The following PRP4K variants were observed in gnomAD, a reference collection of about 807,000 sequenced individuals.
The protein encoded by PRP4K is pre-mRNA processing factor kinase PRP4K, also known as serine/threonine-protein kinase PRP4 homolog.
chr6:4,043,801 T>C, the PRP4K span: 5 of 1,606,272 alleles, frequency 3.1e-6, no homozygotes, highest in African/African-American at 5.4e-5. Context: ...ATCTTCTGTA[T>C]TGTTATTACA....
chr6:4,045,914 T>C, the PRP4K span, among the ~76,000 whole-genome samples: 1 of 152,376 alleles, frequency 6.6e-6, no homozygotes, highest in East Asian at 1.9e-4. Context: ...CATTCTTTCA[T>C]GTATGCATGT....
chr6:4,060,853 A>G, the PRP4K span: 4 of 512,030 alleles, frequency 7.8e-6, no homozygotes, highest in South Asian at 4.8e-5. This position sits in a 1 kb window ranked among gnomAD's most constrained non-coding sequence, Gnocchi z 4.7. Context: ...ACAAAATTAC[A>G]GTGCTAATGT....
the PRP4K span, among the ~76,000 whole-genome samples, chr6:4,029,145 A>G: frequency 6.6e-6 from 1 of 150,396 alleles, no homozygotes. Context: ...CAGCCTCCTG[A>G]GTAGCTGGGA....
the PRP4K span, chr6:4,059,008 T>C: frequency 2.0e-6 from 1 of 501,068 alleles, no homozygotes; most frequent in Non-Finnish European, 3.5e-6. Context: ...TCTAGCATAA[T>C]TAATTTATTT....
At chr6:4,048,150 G>A in the PRP4K span, among the ~76,000 whole-genome samples, 9 of 152,028 alleles carry the variant, frequency 5.9e-5, no homozygotes, top group East Asian at 3.9e-4. Flanking sequence ...AGGCCGAGAC[G>A]GGTGGATCAC....
chr6:4,025,019 C>T, the PRP4K span, among the ~76,000 whole-genome samples: 1 of 152,144 alleles, frequency 6.6e-6, no homozygotes, highest in Non-Finnish European at 1.5e-5. Flanking sequence ...TGTTAAGCAA[C>T]CCCATGTTGT....
At chr6:4,024,633 GTC>G in the PRP4K span, among the ~76,000 whole-genome samples, 2 of 151,962 alleles carry the variant, frequency 1.3e-5, no homozygotes, top group African/African-American at 2.4e-5. Flanking sequence ...TTGAGACCGA[GTC>G]TCTGTTGCCC....
chr6:4,032,618 G>A, the PRP4K span: 1 of 1,614,046 alleles, frequency 6.2e-7, no homozygotes, highest in Non-Finnish European at 8.5e-7. Flanking sequence ...GAAGAAGCAG[G>A]TCTCCACTTT....
chr6:4,031,823 T>C, the PRP4K span: 1 of 1,613,992 alleles, frequency 6.2e-7, no homozygotes, highest in Non-Finnish European at 8.5e-7. Flanking sequence ...AACTTGATGA[T>C]TTAGCTTTGC....
At chr6:4,045,949 C>T in the PRP4K span, among the ~76,000 whole-genome samples, 2 of 152,094 alleles carry the variant, frequency 1.3e-5, no homozygotes, top group Non-Finnish European at 2.9e-5. Flanking sequence ...TGTATCCTAC[C>T]TACACACACA....
chr6:4,025,985 T>G, the PRP4K span, among the ~76,000 whole-genome samples: 2 of 152,282 alleles, frequency 1.3e-5, no homozygotes, highest in South Asian at 4.1e-4. Flanking sequence ...TAAATCAGCT[T>G]TAGACAACTT....
the PRP4K span, among the ~76,000 whole-genome samples, chr6:4,033,991 CA>C: frequency 1.3e-5 from 2 of 150,630 alleles, no homozygotes; most frequent in African/African-American, 2.4e-5. Flanking sequence ...GTATTTGAAA[CA>C]AAAATATTTT....
chr6:4,060,295 A>G, the PRP4K span: 1 of 884,958 alleles, frequency 1.1e-6, no homozygotes, highest in African/African-American at 1.7e-5. The surrounding 1 kb of genome is among the most constrained non-coding windows in gnomAD (Gnocchi z 4.7). Flanking sequence ...CTGTGTGTAT[A>G]TATTTTGTAT....
the PRP4K span, among the ~76,000 whole-genome samples, chr6:4,026,463 C>T: frequency 2.6e-5 from 4 of 151,888 alleles, no homozygotes; most frequent in East Asian, 3.9e-4. Flanking sequence ...CCATTATGCC[C>T]GGCTAGTTTT....
At chr6:4,021,979 C>T in the PRP4K span, among the ~76,000 whole-genome samples, 2 of 152,228 alleles carry the variant, frequency 1.3e-5, no homozygotes, top group South Asian at 4.2e-4. Flanking sequence ...CACTCTCTGG[C>T]CATCCCAGAG....
the PRP4K span, chr6:4,040,912 C>T: frequency 6.2e-7 from 1 of 1,613,126 alleles, no homozygotes; most frequent in African/African-American, 1.3e-5. Context: ...GAGCAGGAAT[C>T]TTCGTCTGAT....
the PRP4K span, among the ~76,000 whole-genome samples, chr6:4,046,749 C>T: frequency 1.3e-3 from 195 of 152,034 alleles, no homozygotes; most frequent in African/African-American, 4.5e-3. Flanking sequence ...CCTCCCTCTC[C>T]CAGGTTCAAG....
the PRP4K span, among the ~76,000 whole-genome samples, chr6:4,059,935 G>C: frequency 6.6e-6 from 1 of 152,154 alleles, no homozygotes; most frequent in Non-Finnish European, 1.5e-5. Context: ...GTGAGCCACC[G>C]CGCCCAGCCC....
chr6:4,037,315 T>C, the PRP4K span: 3 of 1,299,192 alleles, frequency 2.3e-6, no homozygotes, highest in African/African-American at 3.1e-5. Context: ...ATGTGCCTTT[T>C]CTTACAGATG....
Sources: allele counts gnomAD v4.1 joint callset (sites outside exome capture counted in the v4.1 genomes callset), GRCh38; gene constraint gnomAD v4.1.1; non-coding constraint Gnocchi (gnomAD v3.1); transcripts MANE v1.5; gene names NCBI Gene and HGNC (gene_info 2026-07-23, HGNC 2026-07-21).